Variants in NAT1 observed in about 807,000 individuals in gnomAD.
The protein encoded by NAT1 is N-acetyltransferase 1.
For synonymous variants in NAT1, 144 were observed against 122.6 expected, an observed-to-expected ratio of 1.17 and a Z score of -1.16; for missense variants, 400 against 339.2, an observed-to-expected ratio of 1.18 and a Z score of -1.41.
chr8:18,187,531 G>C (rs1354949249), intron 2 of NAT1, among the ~76,000 whole-genome samples: 1 of 152,142 alleles, frequency 6.6e-6, no homozygotes, highest in East Asian at 1.9e-4. Context: ...CCATAAAAAA[G>C]AATAAGATCA....
chr8:18,197,668 A>C (rs933137528), intron 2 of NAT1, among the ~76,000 whole-genome samples: 2 of 152,186 alleles, frequency 1.3e-5, no homozygotes, highest in Non-Finnish European at 2.9e-5. Flanking sequence ...TCTAAACAGC[A>C]TCCTTTCTCT....
intron 2 of NAT1, among the ~76,000 whole-genome samples, chr8:18,177,873 A>G (rs894944055): frequency 6.6e-6 from 1 of 152,110 alleles, no homozygotes; most frequent in African/African-American, 2.4e-5. Flanking sequence ...GGCACCTTTT[A>G]TTTAATGTAG....
rs563016062 is a variant in NAT1 at position 18,221,705 on chromosome 8, G to A, written c.-6-337G>A. On this transcript the variant is annotated intron_variant, in intron 2 of 2. Transcript: ENST00000307719. ...GATTCTCCTGCCTACATCAGAAGAC[G>A]TTTATAAGCCTATTTTAAAGGATAC... is the stretch of plus-strand genomic sequence containing the variant. The A allele has an allele frequency of 2.1e-4, 44 of 212,046 alleles. No homozygotes were observed. The East Asian group carries it at 4.4e-3, about 21-fold the overall frequency. 13.1% of individuals were successfully genotyped at this position (212,046 alleles called of 1,614,324 possible). A position where few individuals can be genotyped will look rare whatever the true frequency, so the allele number is the denominator to read the frequency against.
chr8:18,213,792 C>G (rs1804345455), intron 1 of NAT1, among the ~76,000 whole-genome samples: 1 of 151,796 alleles, frequency 6.6e-6, no homozygotes, highest in Admixed American at 6.6e-5. Flanking sequence ...TCTTGATCTT[C>G]AGATCAAATT....
At chr8:18,191,908 C>A (rs1004029093) in intron 2 of NAT1, among the ~76,000 whole-genome samples, 4 of 152,166 alleles carry the variant, frequency 2.6e-5, no homozygotes, top group Non-Finnish European at 5.9e-5. Flanking sequence ...CTAGGCATTA[C>A]CATTTAGGAC....
In NAT1 at chr8:18,223,132, TAAA is replaced by T. The variant is rs869146186; in HGVS notation, c.*216_*218del. The T allele has an allele frequency of 3.1e-3, 592 of 193,394 alleles. No homozygotes were observed. Among genetic ancestry groups the T allele is most frequent in the Non-Finnish European group, 4.5e-3 (407 of 89,752 alleles). 12.0% of individuals were successfully genotyped at this position (193,394 alleles called of 1,614,324 possible). A position where few individuals can be genotyped will look rare whatever the true frequency, so the allele number is the denominator to read the frequency against. ...TTTCAAATAATAATAATAATAATAA[TAAA>T]AAATGTATTTTAAAGATGGCCTGTG... On this transcript the variant is annotated 3_prime_UTR_variant, in exon 3 of 3. Transcript: ENST00000307719.
Position 18,222,712 on chromosome 8 carries a change from T to C in NAT1, c.665T>C (p.Phe222Ser). The change falls in exon 3 of 3, where the codon TTT becomes TCT. Residue 222 changes from phenylalanine to serine, a missense_variant. Coordinates refer to ENST00000307719, the MANE Select transcript of NAT1 (RefSeq NM_000662.8). ...SPSSVFTSKS[F>S]CSLQTPDGVH... ...TCATCTGTGTTTACTAGTAAATCATTTTGTTCCTTGCAGACCCCAGATGGG... is the reference window on the plus strand; with the variant it reads ...TCATCTGTGTTTACTAGTAAATCATCTTGTTCCTTGCAGACCCCAGATGGG... 6.2e-7 allele frequency: 1 copy of C among 1,614,058 alleles called. No homozygotes were observed. Among genetic ancestry groups the C allele is most frequent in the Non-Finnish European group, 8.5e-7 (1 of 1,179,980 alleles).
chr8:18,182,449 C>G (rs1802558438), intron 2 of NAT1, among the ~76,000 whole-genome samples: 1 of 152,054 alleles, frequency 6.6e-6, no homozygotes, highest in African/African-American at 2.4e-5. Flanking sequence ...ATTGTTTTAC[C>G]TTTTACTTTT....
intron 1 of NAT1, among the ~76,000 whole-genome samples, chr8:18,211,721 G>T (rs931550272): frequency 1.3e-5 from 2 of 152,148 alleles, no homozygotes; most frequent in African/African-American, 4.8e-5. Flanking sequence ...CAGTGAGCTG[G>T]CTTAGGAGGG....
upstream of NAT1, among the ~76,000 whole-genome samples, chr8:18,206,589 ATG>A (rs2117311485): frequency 6.6e-6 from 1 of 152,266 alleles, no homozygotes; most frequent in South Asian, 2.1e-4. Flanking sequence ...CCCTTTTTTC[ATG>A]TGTGTTGGCC....
At position 18,183,968 on chromosome 8, in the gene NAT1, G is replaced by T. The variant is rs1802624525; in HGVS notation, n.92+13229G>T. 2.0e-5 allele frequency among the ~76,000 whole-genome samples: 3 copies of T among 152,208 alleles called. No homozygotes were observed. In the South Asian group the frequency reaches 6.2e-4, roughly 32 times the overall value. Reference sequence around the variant, plus strand: ...CCCACACAGCATCTCTCATGAGTTGGAGTCTCATGCCTGTGCTCTCCCAGG... The same window carrying T: ...CCCACACAGCATCTCTCATGAGTTGTAGTCTCATGCCTGTGCTCTCCCAGG... On this transcript the variant is annotated intron_variant and non_coding_transcript_variant, in intron 2 of 4. Transcript: ENST00000517441.
chr8:18,178,908 C>T (rs1802396650), intron 2 of NAT1, among the ~76,000 whole-genome samples: 1 of 152,130 alleles, frequency 6.6e-6, no homozygotes, highest in South Asian at 2.1e-4. Context: ...GTCTTTTCAC[C>T]TTACGCTTCA....
intron 2 of NAT1, among the ~76,000 whole-genome samples, chr8:18,173,001 C>A (rs1449271461): frequency 1.3e-5 from 2 of 152,130 alleles, no homozygotes; most frequent in Non-Finnish European, 2.9e-5. Context: ...AGTCCGTTCT[C>A]ATGGGGAGCC....
At chr8:18,190,521 T>G (rs895404399) in intron 2 of NAT1, among the ~76,000 whole-genome samples, 1 of 152,218 alleles carries the variant, frequency 6.6e-6, no homozygotes, top group African/African-American at 2.4e-5. Context: ...CGAAAAACTT[T>G]CCTGAGGACT....
At chr8:18,184,719 G>A (rs1019701956) in intron 2 of NAT1, among the ~76,000 whole-genome samples, 2 of 152,172 alleles carry the variant, frequency 1.3e-5, no homozygotes, top group African/African-American at 4.8e-5. Flanking sequence ...AGGTCATGAG[G>A]CCTCTCCAGT....
At chr8:18,171,769 G>T (rs539352920) in intron 2 of NAT1, among the ~76,000 whole-genome samples, 153 of 152,304 alleles carry the variant, frequency 1.0e-3, no homozygotes, top group African/African-American at 3.5e-3. Flanking sequence ...AGCTAGAAAC[G>T]CAACAAGGAG....
At chr8:18,181,596 T>C (rs1249236342) in intron 2 of NAT1, among the ~76,000 whole-genome samples, 1 of 152,210 alleles carries the variant, frequency 6.6e-6, no homozygotes, top group Non-Finnish European at 1.5e-5. Context: ...CAACTTCTAG[T>C]ACTATTAATA....
At chr8:18,171,624 C>G (rs1335007536) in intron 2 of NAT1, among the ~76,000 whole-genome samples, 4 of 151,654 alleles carry the variant, frequency 2.6e-5, no homozygotes, top group Non-Finnish European at 5.9e-5. Flanking sequence ...TCTGCACAAA[C>G]AAAACAAAAA....
intron 1 of NAT1, among the ~76,000 whole-genome samples, chr8:18,217,303 G>GTTAAT (rs28359503): frequency 0.22 from 33,083 of 152,054 alleles, 3,742 homozygotes; most frequent in African/African-American, 0.28. Flanking sequence ...CATTATCAGG[G>GTTAAT]TTAATACTCA....
Sources: allele counts gnomAD v4.1 joint callset (sites outside exome capture counted in the v4.1 genomes callset), GRCh38; gene constraint gnomAD v4.1.1; transcripts MANE v1.5; gene names NCBI Gene and HGNC (gene_info 2026-07-23, HGNC 2026-07-21).